KCNH5: variants seen among roughly 807,000 people sequenced by gnomAD.
KCNH5 encodes voltage-gated delayed rectifier potassium channel KCNH5.
Under a neutral mutation model 96.1 loss-of-function variants are expected in KCNH5, and 46 were observed. That is an observed-to-expected ratio of 0.48 (90% CI 0.38 to 0.61). KCNH5 has a LOEUF of 0.61. KCNH5 is among the 20% of genes least tolerant of loss of function. KCNH5 has a pLI of 0.00. For missense variants in KCNH5, 907 were observed against 1,225.8 expected (o/e 0.74, Z 3.88); for synonymous variants, 439 against 449.8 (o/e 0.98, Z 0.30).
intron 7 of KCNH5, among the ~76,000 whole-genome samples, chr14:62,908,398 C>A (rs1430157159): frequency 6.6e-6 from 1 of 152,128 alleles, no homozygotes; most frequent in Non-Finnish European, 1.5e-5. Flanking sequence ...CTCAGTAACA[C>A]AAAAAGAGCC....
chr14:62,732,600 C>T lies in KCNH5; in HGVS notation c.2020-24145G>A, dbSNP rs547521043. On this transcript the variant is annotated intron_variant, in intron 10 of 10. Transcript: ENST00000322893. ...ATGATTTTGTGCTGAATATATTTAC[C>T]CTATCCAGAGCTACTCCCCACCCTT... Among the ~76,000 whole-genome samples, 8 of 152,154 alleles carry T rather than the reference C, an allele frequency of 5.3e-5. No individual in the cohort carries two copies. The South Asian group carries it at 1.5e-3, about 28-fold the overall frequency.
chr14:62,989,909 T>C (rs1164050770), intron 4 of KCNH5, among the ~76,000 whole-genome samples: 1 of 152,080 alleles, frequency 6.6e-6, no homozygotes, highest in Non-Finnish European at 1.5e-5. Flanking sequence ...TAGTCATAGG[T>C]ATATTATAAT....
At chr14:62,769,574 T>G (rs904612951) in intron 10 of KCNH5, among the ~76,000 whole-genome samples, 4 of 152,210 alleles carry the variant, frequency 2.6e-5, no homozygotes, top group African/African-American at 9.7e-5. Flanking sequence ...TGTGCAGAAT[T>G]TGCAGGCACA....
chr14:62,734,142 C>G (rs1440301391), intron 10 of KCNH5, among the ~76,000 whole-genome samples: 1 of 152,116 alleles, frequency 6.6e-6, no homozygotes, highest in East Asian at 1.9e-4. Context: ...GAAGTCTAAG[C>G]TATCCTATAC....
intron 2 of KCNH5, among the ~76,000 whole-genome samples, chr14:63,012,082 T>C (rs1407423337): frequency 6.6e-6 from 1 of 152,172 alleles, no homozygotes; most frequent in Non-Finnish European, 1.5e-5. Flanking sequence ...TCAGGTTAAT[T>C]AGAAGTAAAA....
chr14:62,838,580 G>T (rs891551354), intron 8 of KCNH5, among the ~76,000 whole-genome samples: 5 of 152,118 alleles, frequency 3.3e-5, no homozygotes, highest in African/African-American at 1.2e-4. Flanking sequence ...GAAGGATAAG[G>T]AAAGTTTATT....
chr14:62,759,077 A>G (rs956859099), intron 10 of KCNH5, among the ~76,000 whole-genome samples: 1 of 152,236 alleles, frequency 6.6e-6, no homozygotes, highest in Admixed American at 6.5e-5. Context: ...AACTCAATAG[A>G]GGAATACCTT....
intron 10 of KCNH5, among the ~76,000 whole-genome samples, chr14:62,711,919 G>C (rs1388169554): frequency 6.6e-6 from 1 of 152,192 alleles, no homozygotes; most frequent in African/African-American, 2.4e-5. Flanking sequence ...AGTTGGACGT[G>C]ACTAGCTCAA....
At chr14:62,727,348 G>A (rs1003324509) in intron 10 of KCNH5, among the ~76,000 whole-genome samples, 1 of 152,090 alleles carries the variant, frequency 6.6e-6, no homozygotes, top group African/African-American at 2.4e-5. Context: ...ATGGGCAACA[G>A]AGTGAGACTC....
At chr14:62,923,406 A>T (rs1889415090) in intron 7 of KCNH5, among the ~76,000 whole-genome samples, 1 of 151,962 alleles carries the variant, frequency 6.6e-6, no homozygotes, top group South Asian at 2.1e-4. Flanking sequence ...GAATCTACAC[A>T]TCAGATTCAA....
intron 8 of KCNH5, among the ~76,000 whole-genome samples, chr14:62,849,022 T>C (rs1887753000): frequency 6.6e-6 from 1 of 152,194 alleles, no homozygotes; most frequent in Non-Finnish European, 1.5e-5. Context: ...GATCTTGAGT[T>C]CTTCTTTGCC....
chr14:63,027,491 A>C (rs1303550847), intron 1 of KCNH5, among the ~76,000 whole-genome samples: 2 of 151,756 alleles, frequency 1.3e-5, no homozygotes, highest in Non-Finnish European at 2.9e-5. Flanking sequence ...AAAAAAAAAA[A>C]AAACTCTGAG....
rs540699999 is a variant in KCNH5, at chr14:62,987,840, A to C, written c.434-653T>G. ...TTGTTACAGCAGCTAGTCTTACCCT[A>C]ATTATAATAGTCCTTCAATGTGTTT... is the stretch of plus-strand genomic sequence containing the variant. On this transcript the variant is annotated intron_variant, in intron 4 of 10. Transcript: ENST00000322893. Among the ~76,000 whole-genome samples, 4 of 152,256 alleles carry C rather than the reference A, an allele frequency of 2.6e-5. No individual in the cohort carries two copies. The South Asian group carries it at 8.3e-4, about 32-fold the overall frequency.
chr14:62,895,900 C>T (rs1270996119), intron 7 of KCNH5, among the ~76,000 whole-genome samples: 2 of 152,110 alleles, frequency 1.3e-5, no homozygotes, highest in Non-Finnish European at 2.9e-5. Flanking sequence ...CTATGAACTC[C>T]TGAAGCAGAT....
At chr14:63,016,801 A>G (rs745511587) in intron 2 of KCNH5, 30 bp downstream of exon 2, 4 of 1,593,482 alleles carry the variant, frequency 2.5e-6, no homozygotes, top group Non-Finnish European at 2.6e-6. Flanking sequence ...TAAATTTCAG[A>G]AAAGATTACT....
At chr14:62,961,689 G>C (rs1292096730) in intron 6 of KCNH5, among the ~76,000 whole-genome samples, 1 of 152,168 alleles carries the variant, frequency 6.6e-6, no homozygotes, top group Non-Finnish European at 1.5e-5. Flanking sequence ...TGGAAATGGA[G>C]ATGGAGATAT....
At chr14:62,713,395 TG>T (rs1293930973) in intron 10 of KCNH5, among the ~76,000 whole-genome samples, 9 of 152,194 alleles carry the variant, frequency 5.9e-5, no homozygotes, top group Admixed American at 1.3e-4. Context: ...AAATGCATAC[TG>T]GGTAGACTCA....
In KCNH5 at chr14:63,025,608, T is replaced by C. The variant is rs12589487; in HGVS notation, c.74-8654A>G. ...TAAGCAATCAAGAAAACAATACCAT[T>C]TACAATAGTAACAAAAAAAAAAACA... On this transcript the variant is annotated intron_variant, in intron 1 of 10. Transcript: ENST00000322893. Among the ~76,000 whole-genome samples, 1,396 of 86,910 alleles carry C rather than the reference T, an allele frequency of 0.016. 77 individuals carry two copies. In the East Asian group the frequency reaches 0.21, roughly 13 times the overall value. The allele number at this position is 86,910 out of a possible 152,430, so 57.0% of individuals were successfully genotyped here. A position where few individuals can be genotyped will look rare whatever the true frequency, so the allele number is the denominator to read the frequency against.
chr14:62,736,649 A>T (rs1196575037), intron 10 of KCNH5, among the ~76,000 whole-genome samples: 1 of 152,132 alleles, frequency 6.6e-6, no homozygotes, highest in Non-Finnish European at 1.5e-5. Context: ...CCCCACCGTA[A>T]AACTTCTTCC....
Sources: gnomAD v4.1 joint callset for allele counts (sites outside exome capture counted in the v4.1 genomes callset) on GRCh38, gnomAD v4.1.1 for gene constraint, MANE v1.5 for transcripts, NCBI Gene and HGNC (gene_info 2026-07-23, HGNC 2026-07-21) for gene names.